Variants in ADAMTS6 observed in about 807,000 individuals in gnomAD.
ADAMTS6 encodes ADAM metallopeptidase with thrombospondin type 1 motif 6.
A neutral mutation model predicts 144.3 loss-of-function variants in ADAMTS6; 23 were observed. The ratio of observed to expected loss-of-function variants is 0.16; its 90% CI spans 0.11 to 0.23. The LOEUF is 0.23. Ranked by LOEUF, ADAMTS6 falls within the 10% of genes least tolerant of loss-of-function variation. The pLI, the probability that ADAMTS6 is intolerant of heterozygous loss-of-function variation, is 1.00. For synonymous variants in ADAMTS6, 444 were observed against 457.5 expected (o/e 0.97, Z 0.38); for missense variants, 999 against 1,379.6 (o/e 0.72, Z 4.37).
At chr5:65,313,351 ATGTTTTAG>A (rs1744688706) in intron 9 of ADAMTS6, among the ~76,000 whole-genome samples, 2 of 152,074 alleles carry the variant, frequency 1.3e-5, no homozygotes, top group South Asian at 2.1e-4. Context: ...TGTTTTAGCT[ATGTTTTAG>A]CTACTATGTG....
intron 20 of ADAMTS6, chr5:65,210,549 C>A: frequency 1.3e-5 from 6 of 461,528 alleles, no homozygotes; most frequent in South Asian, 2.3e-5. Context: ...GTGTCTTTAT[C>A]TGCTATCTGG....
At chr5:65,194,909 A>G (rs1345845010) in intron 21 of ADAMTS6, among the ~76,000 whole-genome samples, 1 of 152,200 alleles carries the variant, frequency 6.6e-6, no homozygotes, top group Non-Finnish European at 1.5e-5. Flanking sequence ...ACAAACCTCC[A>G]ATGTAATACT....
chr5:65,316,280 A>C (rs895696456), intron 9 of ADAMTS6, among the ~76,000 whole-genome samples: 30 of 152,314 alleles, frequency 2.0e-4, no homozygotes, highest in African/African-American at 6.3e-4. Flanking sequence ...GTCAGTAAGG[A>C]TATATAGTTA....
intron 21 of ADAMTS6, among the ~76,000 whole-genome samples, chr5:65,193,867 C>A (rs533204679): frequency 1.3e-5 from 2 of 152,270 alleles, no homozygotes; most frequent in East Asian, 3.9e-4. Context: ...AATCACATAT[C>A]TACTAAACGT....
At chr5:65,468,292 G>A (rs1182370651) in intron 3 of ADAMTS6, among the ~76,000 whole-genome samples, 1 of 151,942 alleles carries the variant, frequency 6.6e-6, no homozygotes, top group African/African-American at 2.4e-5. Context: ...AAAAGTGGTG[G>A]CCTTTGAAAA....
At chr5:65,368,599 C>G (rs868068807) in intron 7 of ADAMTS6, among the ~76,000 whole-genome samples, 3 of 152,154 alleles carry the variant, frequency 2.0e-5, no homozygotes, top group African/African-American at 4.8e-5. Context: ...CCTGGAAATG[C>G]GGTGTCCATC....
intron 18 of ADAMTS6, among the ~76,000 whole-genome samples, chr5:65,224,097 G>A (rs569020761): frequency 6.6e-6 from 1 of 152,206 alleles, no homozygotes; most frequent in East Asian, 1.9e-4. Flanking sequence ...ACAGCGCCTG[G>A]CCTGATTTTT....
chr5:65,151,991 A>G (rs1283411839), intron 24 of ADAMTS6, 46 bp from the exon 25 acceptor site: 4 of 1,526,634 alleles, frequency 2.6e-6, no homozygotes, highest in South Asian at 1.1e-5. Context: ...AGGCACATAA[A>G]CAAGTACATA....
intron 9 of ADAMTS6, among the ~76,000 whole-genome samples, chr5:65,320,493 A>G (rs1745503547): frequency 6.6e-6 from 1 of 152,102 alleles, no homozygotes; most frequent in South Asian, 2.1e-4. Context: ...ATATTTAAAG[A>G]AAAAATAACA....
intron 7 of ADAMTS6, among the ~76,000 whole-genome samples, chr5:65,357,772 T>C (rs1461366094): frequency 1.3e-5 from 2 of 151,764 alleles, no homozygotes; most frequent in Admixed American, 1.3e-4. Context: ...ACATAACCTA[T>C]CATGACTGAA....
chr5:65,289,020 A>G (rs868726497), intron 11 of ADAMTS6, among the ~76,000 whole-genome samples: 1 of 152,236 alleles, frequency 6.6e-6, no homozygotes, highest in South Asian at 2.1e-4. Context: ...GACTCAATAC[A>G]CTTTGTTAGT....
chr5:65,321,165 C>T (rs916133718), intron 9 of ADAMTS6, among the ~76,000 whole-genome samples: 2 of 152,204 alleles, frequency 1.3e-5, no homozygotes, highest in African/African-American at 4.8e-5. Context: ...ACACTCTCAC[C>T]AACAGTGTAT....
At chr5:65,183,691 C>T (rs1754496890) in intron 22 of ADAMTS6, among the ~76,000 whole-genome samples, 3 of 151,792 alleles carry the variant, frequency 2.0e-5, no homozygotes, top group Admixed American at 6.6e-5. Flanking sequence ...GCAAGATGAG[C>T]CACGGTTACG....
At chr5:65,347,228 C>T (rs1748409941) in intron 7 of ADAMTS6, among the ~76,000 whole-genome samples, 1 of 151,786 alleles carries the variant, frequency 6.6e-6, no homozygotes, top group Admixed American at 6.6e-5. Flanking sequence ...CATAGAAGAC[C>T]TCAAATAGCC....
At chr5:65,229,904 G>A (rs1758014983) in intron 15 of ADAMTS6, among the ~76,000 whole-genome samples, 1 of 152,066 alleles carries the variant, frequency 6.6e-6, no homozygotes, top group Non-Finnish European at 1.5e-5. Context: ...TCAAATACAT[G>A]AAGCTCAAAG....
At chr5:65,288,113 A>G (rs930907289) in intron 11 of ADAMTS6, among the ~76,000 whole-genome samples, 1 of 152,046 alleles carries the variant, frequency 6.6e-6, no homozygotes, top group Non-Finnish European at 1.5e-5. Flanking sequence ...TTTCATGTAA[A>G]TTTCCAAACA....
chr5:65,425,057 T>C (rs992969577), intron 7 of ADAMTS6, among the ~76,000 whole-genome samples: 3 of 152,136 alleles, frequency 2.0e-5, no homozygotes, highest in Non-Finnish European at 4.4e-5. Flanking sequence ...AGTGCAATGG[T>C]GCAATCTCAG....
chr5:65,347,549 T>C (rs1197825421), intron 7 of ADAMTS6, among the ~76,000 whole-genome samples: 2 of 151,702 alleles, frequency 1.3e-5, no homozygotes, highest in African/African-American at 2.4e-5. Context: ...ATAAGACTAC[T>C]AGAAAAAAAA....
chr5:65,401,059 C>G (rs145257556), intron 7 of ADAMTS6, among the ~76,000 whole-genome samples: 2 of 152,250 alleles, frequency 1.3e-5, no homozygotes, highest in African/African-American at 4.8e-5. Context: ...CTTGCTCTGT[C>G]TCTTCAAACT....
Sources: gnomAD v4.1 joint callset for allele counts (sites outside exome capture counted in the v4.1 genomes callset) on GRCh38, gnomAD v4.1.1 for gene constraint, MANE v1.5 for transcripts, NCBI Gene and HGNC (gene_info 2026-07-23, HGNC 2026-07-21) for gene names.